The following EYS variants were observed in gnomAD, a reference collection of about 807,000 sequenced individuals.
The protein encoded by EYS is protein eyes shut homolog.
Under a neutral mutation model 282.1 loss-of-function variants are expected in EYS, and 250 were observed. The observed-to-expected ratio is 0.89, with a 90% CI of 0.80 to 0.98. The LOEUF is 0.98. Among genes scored for constraint, EYS ranks in the 50% least tolerant of loss-of-function variants. EYS has a pLI of 0.00. For synonymous variants in EYS, 1,355 were observed against 1,282.9 expected, an observed-to-expected ratio of 1.06 and a Z score of -1.20; for missense variants, 4,016 against 3,709.0, an observed-to-expected ratio of 1.08 and a Z score of -2.15.
intron 37 of EYS, among the ~76,000 whole-genome samples, chr6:63,805,568 T>G (rs947709070): frequency 1.3e-5 from 2 of 152,246 alleles, no homozygotes; most frequent in Admixed American, 1.3e-4. Context: ...CATGTTTGCC[T>G]GTAGGAATTT....
chr6:65,684,655 A>C (rs1380243103), intron 1 of EYS, among the ~76,000 whole-genome samples: 1 of 152,018 alleles, frequency 6.6e-6, no homozygotes, highest in Non-Finnish European at 1.5e-5. Flanking sequence ...TTCCCATGGT[A>C]AGGTGAGGAG....
chr6:64,408,958 A>G (rs532214621), intron 28 of EYS, among the ~76,000 whole-genome samples: 1 of 152,198 alleles, frequency 6.6e-6, no homozygotes, highest in African/African-American at 2.4e-5. Flanking sequence ...CCCATTCTCA[A>G]CCTTCAAGTA....
chr6:65,315,501 C>A (rs1769274275), intron 11 of EYS, among the ~76,000 whole-genome samples: 1 of 152,036 alleles, frequency 6.6e-6, no homozygotes, highest in Admixed American at 6.6e-5. Flanking sequence ...CACTGGAGTT[C>A]AGTTGTGTCT....
chr6:64,253,650 G>T (rs1767295492), intron 30 of EYS, among the ~76,000 whole-genome samples: 1 of 152,108 alleles, frequency 6.6e-6, no homozygotes, highest in African/African-American at 2.4e-5. Flanking sequence ...GCCCTCACAT[G>T]CCATCATCTA....
intron 1 of EYS, among the ~76,000 whole-genome samples, chr6:65,658,111 T>C (rs1015796494): frequency 1.3e-5 from 2 of 151,824 alleles, no homozygotes; most frequent in African/African-American, 2.4e-5. Context: ...TATGTGCTGG[T>C]AACCAAATAG....
chr6:63,938,715 TTCA>T (rs1765145003), intron 35 of EYS, among the ~76,000 whole-genome samples: 1 of 152,218 alleles, frequency 6.6e-6, no homozygotes. Context: ...ACACATCTAT[TTCA>T]TCCAAAATCA....
chr6:65,679,425 G>A (rs1768741329), intron 1 of EYS, among the ~76,000 whole-genome samples: 1 of 151,838 alleles, frequency 6.6e-6, no homozygotes, highest in African/African-American at 2.4e-5. Flanking sequence ...CATGCTAAGT[G>A]GAAAAAGCCA....
rs373551730 is a variant in EYS at position 65,690,549 on chromosome 6, C to T, written c.-448+16586G>A. 7.3e-4 allele frequency among the ~76,000 whole-genome samples: 108 copies of T among 147,616 alleles called. 6 individuals carry two copies. The highest frequency in any genetic ancestry group is 4.9e-3 in the South Asian group (23 of 4,654). ...TCTCTGCAGGCGGAAGCACATCACG[C>T]GCTGTTGGCTCATTCTGGCAGTCCA... On this transcript the variant is annotated intron_variant, in intron 1 of 42. Transcript: ENST00000503581.
chr6:63,885,332 A>G (rs1373506091), intron 35 of EYS, among the ~76,000 whole-genome samples: 1 of 152,124 alleles, frequency 6.6e-6, no homozygotes, highest in Non-Finnish European at 1.5e-5. Flanking sequence ...TGCTCCATGA[A>G]AATCCATTTT....
chr6:64,913,138 A>C (rs1170173493), intron 15 of EYS, among the ~76,000 whole-genome samples: 1 of 152,134 alleles, frequency 6.6e-6, no homozygotes, highest in East Asian at 1.9e-4. Flanking sequence ...CCTTAGCAAT[A>C]TGTGAAATTC....
chr6:65,484,655 A>G (rs1248217437), intron 5 of EYS, among the ~76,000 whole-genome samples: 2 of 152,178 alleles, frequency 1.3e-5, no homozygotes, highest in African/African-American at 2.4e-5. Flanking sequence ...CCAGGCTGCC[A>G]GTGAGCTTGG....
At chr6:63,730,797 G>A (rs141669449) in intron 41 of EYS, among the ~76,000 whole-genome samples, 2,470 of 152,172 alleles carry the variant, frequency 0.016, 65 homozygotes, top group African/African-American at 0.054. Flanking sequence ...CAAGGTGGGC[G>A]GATCACGAGG....
chr6:63,762,671 G>A, intron 40 of EYS, 38 bp from the exon 41 acceptor site: 2 of 1,533,062 alleles, frequency 1.3e-6, no homozygotes, highest in Non-Finnish European at 1.8e-6. Context: ...TTGAGCACTT[G>A]TTTAGAGATG....
At chr6:65,179,766 T>C (rs940977454) in intron 12 of EYS, among the ~76,000 whole-genome samples, 7 of 151,988 alleles carry the variant, frequency 4.6e-5, no homozygotes, top group African/African-American at 1.7e-4. Context: ...AAGAGAATTT[T>C]AGACCAATAT....
chr6:65,648,203 T>C (rs551026572), intron 1 of EYS, among the ~76,000 whole-genome samples: 2 of 152,120 alleles, frequency 1.3e-5, no homozygotes, highest in African/African-American at 4.8e-5. Flanking sequence ...AAATAAGTCA[T>C]TATAACAAAA....
At chr6:65,417,322 T>C (rs1158020679) in intron 5 of EYS, among the ~76,000 whole-genome samples, 1 of 151,972 alleles carries the variant, frequency 6.6e-6, no homozygotes, top group Non-Finnish European at 1.5e-5. Flanking sequence ...ACAAATACCA[T>C]TTAAGTAAAG....
chr6:64,248,988 T>C (rs1767111792), intron 30 of EYS, among the ~76,000 whole-genome samples: 1 of 148,666 alleles, frequency 6.7e-6, no homozygotes. Context: ...TCTTGGAGGC[T>C]TGGAGGCAGT....
chr6:65,203,026 C>G (rs1417340705), intron 12 of EYS, among the ~76,000 whole-genome samples: 1 of 152,154 alleles, frequency 6.6e-6, no homozygotes, highest in Non-Finnish European at 1.5e-5. Flanking sequence ...TCTCAAGCCA[C>G]CTTAGTGGCA....
chr6:64,008,088 C>G (rs1172716785), intron 33 of EYS, among the ~76,000 whole-genome samples: 3 of 152,038 alleles, frequency 2.0e-5, no homozygotes, highest in Non-Finnish European at 4.4e-5. Context: ...TTTAAATCTC[C>G]CACTATTGTT....
Sources: gnomAD v4.1 joint callset for allele counts (sites outside exome capture counted in the v4.1 genomes callset) on GRCh38, gnomAD v4.1.1 for gene constraint, MANE v1.5 for transcripts, NCBI Gene and HGNC (gene_info 2026-07-23, HGNC 2026-07-21) for gene names.